EPHA6: variants seen among roughly 807,000 people sequenced by gnomAD.
EPHA6 encodes EPH receptor A6.
Under a neutral mutation model 112.0 loss-of-function variants are expected in EPHA6, and 50 were observed. That is an observed-to-expected ratio of 0.45 (90% confidence interval 0.36 to 0.56). The LOEUF is 0.56. Ranked by LOEUF, EPHA6 falls within the 20% of genes least tolerant of loss-of-function variation. EPHA6 has a pLI of 0.00. For synonymous variants in EPHA6, 529 were observed against 490.7 expected, an observed-to-expected ratio of 1.08 and a Z score of -1.03; for missense variants, 1,280 against 1,417.4, an observed-to-expected ratio of 0.90 and a Z score of 1.56.
At chr3:96,977,296 A>G (rs1480399243) in intron 2 of EPHA6, among the ~76,000 whole-genome samples, 4 of 152,222 alleles carry the variant, frequency 2.6e-5, no homozygotes. Flanking sequence ...GTTCTCATTT[A>G]TAAGTGGGAG....
chr3:97,610,783 T>G lies in EPHA6; in HGVS notation c.2513-10T>G, dbSNP rs375089797. 6.2e-7 allele frequency: 1 copy of G among 1,610,016 alleles called. No individual in the cohort carries two copies. The highest frequency in any genetic ancestry group is 8.5e-7 in the Non-Finnish European group (1 of 1,177,168). ...CTCTAATCCATGTGTATTCTCTTGC[T>G]CTTTTGCAGGCAGACCAGTAATGAT... On this transcript the variant is annotated splice_polypyrimidine_tract_variant and intron_variant, in intron 12 of 17. Transcript: ENST00000389672.
intron 5 of EPHA6, among the ~76,000 whole-genome samples, chr3:97,293,316 G>C (rs1020311737): frequency 1.3e-5 from 2 of 152,172 alleles, no homozygotes; most frequent in Non-Finnish European, 2.9e-5. Flanking sequence ...CCAGCTCTCA[G>C]CGGAGAGGAG....
chr3:97,286,202 T>C (rs2080459119), intron 5 of EPHA6, among the ~76,000 whole-genome samples: 1 of 152,186 alleles, frequency 6.6e-6, no homozygotes, highest in Non-Finnish European at 1.5e-5. Flanking sequence ...TTTGTCCCTA[T>C]TGATTATTTC....
intron 3 of EPHA6, among the ~76,000 whole-genome samples, chr3:97,213,376 G>A (rs62265114): frequency 0.05 from 7,618 of 152,170 alleles, 269 homozygotes; most frequent in Middle Eastern, 0.11. Context: ...TAAGAATTTC[G>A]GCTCCTGTGT....
At position 97,021,118 on chromosome 3, in the gene EPHA6, A is replaced by G. The variant is rs1007249984; in HGVS notation, c.1114+33125A>G. Among the ~76,000 whole-genome samples the G allele has an allele frequency of 2.0e-5, 3 of 152,204 alleles. No individual in the cohort carries two copies. The East Asian group carries it at 5.8e-4, about 29-fold the overall frequency. On this transcript the variant is annotated intron_variant, in intron 3 of 17. Transcript: ENST00000389672. ...ACTACTTTCTCATAATTCATCAGCA[A>G]GTTTAAAATGTACTGCAAATGTGTT...
At position 97,096,257 on chromosome 3, in the gene EPHA6, A is replaced by T. The variant is rs145318100; in HGVS notation, c.1114+108264A>T. Among the ~76,000 whole-genome samples the T allele has an allele frequency of 2.9e-3, 428 of 146,160 alleles. 2 individuals are homozygous for T. Among genetic ancestry groups the T allele is most frequent in the African/African-American group, 0.011 (396 of 37,348 alleles). ...TATATATATATATACACACACACAC[A>T]TACACACACATACACACCCACACAC... On this transcript the variant is annotated intron_variant, in intron 3 of 17. Transcript: ENST00000389672.
At position 96,966,445 on chromosome 3, in the gene EPHA6, A is replaced by G. The variant is rs139248317; in HGVS notation, c.451-20885A>G. 2.6e-4 allele frequency among the ~76,000 whole-genome samples: 39 copies of G among 152,228 alleles called. No individual in the cohort carries two copies. The East Asian group carries it at 7.4e-3, about 29-fold the overall frequency. ...AGAGACGATGACTTAATGATTACTC[A>G]GATAGGAATTTACTGTTTCTTAAAA... On this transcript the variant is annotated intron_variant, in intron 2 of 17. Transcript: ENST00000389672.
intron 2 of EPHA6, among the ~76,000 whole-genome samples, chr3:96,894,535 C>G (rs1216273012): frequency 1.3e-5 from 2 of 151,888 alleles, no homozygotes; most frequent in Non-Finnish European, 2.9e-5. Context: ...AACACTGTTT[C>G]AATTCTGGAA....
chr3:97,514,977 C>A (rs78515637), intron 10 of EPHA6, among the ~76,000 whole-genome samples: 2,285 of 152,250 alleles, frequency 0.015, 38 homozygotes, highest in Non-Finnish European at 0.022. Context: ...CCTGAGCAGA[C>A]TAATACAGCA....
chr3:96,841,104 A>G (rs538165497), intron 1 of EPHA6, among the ~76,000 whole-genome samples: 42 of 152,180 alleles, frequency 2.8e-4, no homozygotes, highest in African/African-American at 8.4e-4. Flanking sequence ...TGAGACATCA[A>G]TCAATATGTG....
At chr3:97,722,741 T>C (rs1410903028) in intron 15 of EPHA6, among the ~76,000 whole-genome samples, 1 of 152,092 alleles carries the variant, frequency 6.6e-6, no homozygotes, top group Non-Finnish European at 1.5e-5. Flanking sequence ...TAAATATATA[T>C]ATATATTGCA....
At chr3:97,092,627 G>A (rs888363275) in intron 3 of EPHA6, among the ~76,000 whole-genome samples, 1 of 151,704 alleles carries the variant, frequency 6.6e-6, no homozygotes, top group Non-Finnish European at 1.5e-5. Flanking sequence ...TTTTCTTAGG[G>A]TATAAAAAAA....
At chr3:97,243,557 T>C (rs1442070045) in intron 4 of EPHA6, among the ~76,000 whole-genome samples, 1 of 151,912 alleles carries the variant, frequency 6.6e-6, no homozygotes, top group Non-Finnish European at 1.5e-5. Context: ...GTTTTGTATA[T>C]GTATGTTACT....
chr3:96,991,882 G>A (rs539535698), intron 3 of EPHA6, among the ~76,000 whole-genome samples: 33 of 152,126 alleles, frequency 2.2e-4, no homozygotes, highest in Non-Finnish European at 3.7e-4. Context: ...CATTCCGAAA[G>A]GCAGGGAACA....
chr3:97,307,901 A>T (rs1441460180), intron 5 of EPHA6, among the ~76,000 whole-genome samples: 2 of 151,708 alleles, frequency 1.3e-5, no homozygotes, highest in Admixed American at 1.3e-4. Context: ...GCACATGCTA[A>T]TCTATATTTA....
chr3:96,871,623 A>C (rs189199439), intron 2 of EPHA6, among the ~76,000 whole-genome samples: 47 of 152,098 alleles, frequency 3.1e-4, no homozygotes, highest in African/African-American at 9.9e-4. Context: ...ATACATGTAC[A>C]CTCATTTATT....
rs553258053 is a variant in EPHA6 at position 97,327,924 on chromosome 3, C to T, written c.1607-77226C>T. 2.7e-3 allele frequency among the ~76,000 whole-genome samples: 271 copies of T among 101,622 alleles called. 8 individuals carry two copies. The East Asian group carries it at 0.046, about 17-fold the overall frequency. 66.7% of individuals were successfully genotyped at this position (101,622 alleles called of 152,430 possible). A position where few individuals can be genotyped will look rare whatever the true frequency, so the allele number is the denominator to read the frequency against. ...ATGTGTGTATATATATGTATATGTG[C>T]ATATATATGTATATGTGTATGTATA... On this transcript the variant is annotated intron_variant, in intron 5 of 17. Coordinates refer to ENST00000389672, the MANE Select transcript of EPHA6 (RefSeq NM_001080448.3).
Position 96,984,261 on chromosome 3 carries a change from T to C in EPHA6, c.451-3069T>C, listed in dbSNP as rs184028422. ...GGATGTCCTTTCTGTTTGTTAGTTT[T>C]CCTTCTAACAGTCAGGACCCTCAGC... On this transcript the variant is annotated intron_variant, in intron 2 of 17. Coordinates refer to ENST00000389672, the MANE Select transcript of EPHA6 (RefSeq NM_001080448.3). Among the ~76,000 whole-genome samples, 212 of 152,272 alleles carry C rather than the reference T, an allele frequency of 1.4e-3. 4 individuals carry two copies. The East Asian group carries it at 0.035, about 25-fold the overall frequency.
intron 6 of EPHA6, among the ~76,000 whole-genome samples, chr3:97,409,768 G>A (rs569277479): frequency 2.8e-4 from 42 of 152,074 alleles, no homozygotes; most frequent in Admixed American, 7.2e-4. Context: ...CACTGTGACT[G>A]TTAAAGTCTT....
Sources: gnomAD v4.1 joint callset for allele counts (sites outside exome capture counted in the v4.1 genomes callset) on GRCh38, gnomAD v4.1.1 for gene constraint, MANE v1.5 for transcripts, NCBI Gene and HGNC (gene_info 2026-07-23, HGNC 2026-07-21) for gene names.